The following ARHGAP21 variants were observed in gnomAD, a reference collection of about 807,000 sequenced individuals.
ARHGAP21 encodes rho GTPase-activating protein 21.
A neutral mutation model predicts 164.6 loss-of-function variants in ARHGAP21; 38 were observed. The observed-to-expected ratio is 0.23, with a 90% CI of 0.18 to 0.30. The LOEUF (loss-of-function observed/expected upper bound fraction) is 0.30. Among genes scored for constraint, ARHGAP21 ranks in the 10% least tolerant of loss-of-function variants. ARHGAP21 has a pLI of 1.00. For missense variants in ARHGAP21, 1,822 were observed against 2,370.7 expected (o/e 0.77, Z 4.81); for synonymous variants, 766 against 857.9 (o/e 0.89, Z 1.87).
chr10:24,646,230 A>G (rs1048793051), intron 4 of ARHGAP21, among the ~76,000 whole-genome samples: 19 of 152,196 alleles, frequency 1.2e-4, no homozygotes, highest in African/African-American at 4.3e-4. Context: ...TGAATCACGT[A>G]CTTTCAATGT....
At chr10:24,674,742 C>T (rs565628668) in intron 2 of ARHGAP21, among the ~76,000 whole-genome samples, 1 of 152,074 alleles carries the variant, frequency 6.6e-6, no homozygotes, top group Non-Finnish European at 1.5e-5. Flanking sequence ...TATATACATA[C>T]ACACATACAC....
Position 24,620,204 on chromosome 10 carries a change from A to T in ARHGAP21, c.1691T>A (p.Val564Asp). The T allele has an allele frequency of 6.2e-7, 1 of 1,613,964 alleles. No homozygotes were observed. The highest frequency in any genetic ancestry group is 8.5e-7 in the Non-Finnish European group (1 of 1,179,878). ...CATTCGCCTGTTATCAGAATTAACA[A>T]CGCTTGGAGCCACAGTAAAATTGGA... ...RGSNFTVAPS[V>D]VNSDNRRMSG... Residue 564 changes from valine to aspartate, a missense_variant, in exon 9 of 26, where the codon GTT (valine) becomes GAT (aspartate). Coordinates refer to ENST00000396432, the MANE Select transcript of ARHGAP21 (RefSeq NM_020824.4).
intron 4 of ARHGAP21, among the ~76,000 whole-genome samples, chr10:24,663,060 G>C (rs1366797099): frequency 6.6e-6 from 1 of 151,738 alleles, no homozygotes; most frequent in Non-Finnish European, 1.5e-5. Context: ...GTCTATTACA[G>C]GACATGAATG....
intron 11 of ARHGAP21, among the ~76,000 whole-genome samples, chr10:24,607,158 G>GTA (rs1232629012): frequency 6.6e-6 from 1 of 152,136 alleles, no homozygotes; most frequent in Non-Finnish European, 1.5e-5. Flanking sequence ...TTAGAATACA[G>GTA]TACACACACA....
At chr10:24,592,442 T>C (rs1321196753) in intron 21 of ARHGAP21, among the ~76,000 whole-genome samples, 4 of 152,084 alleles carry the variant, frequency 2.6e-5, no homozygotes, top group Non-Finnish European at 4.4e-5. Flanking sequence ...AGACTTTGAT[T>C]GAAAACAACT....
intron 25 of ARHGAP21, among the ~76,000 whole-genome samples, chr10:24,587,027 G>A (rs140509255): frequency 6.6e-6 from 1 of 152,246 alleles, no homozygotes; most frequent in East Asian, 1.9e-4. Context: ...GTGACAGAGT[G>A]AGAACCCACC....
Position 24,635,640 on chromosome 10 carries a change from G to A in ARHGAP21, c.269-537C>T, listed in dbSNP as rs181743336. 1.4e-4 allele frequency among the ~76,000 whole-genome samples: 21 copies of A among 152,118 alleles called. No individual in the cohort carries two copies. In the East Asian group the frequency reaches 3.3e-3, roughly 24 times the overall value. ...TGGCTCACTGCAACCTCCACATCCC[G>A]GGTTCGAGTGATTCTCCTGCCTCAG... On this transcript the variant is annotated intron_variant, in intron 4 of 25. Transcript: ENST00000396432.
intron 5 of ARHGAP21, among the ~76,000 whole-genome samples, chr10:24,634,222 G>C (rs1024786328): frequency 1.3e-5 from 2 of 151,420 alleles, no homozygotes; most frequent in Non-Finnish European, 2.9e-5. Context: ...ATTTAAATCA[G>C]GCTTACTTTA....
chr10:24,662,326 G>A (rs961052385), intron 4 of ARHGAP21, among the ~76,000 whole-genome samples: 1 of 152,064 alleles, frequency 6.6e-6, no homozygotes, highest in Non-Finnish European at 1.5e-5. Context: ...AGAAGTAAGA[G>A]GGCAGAATTA....
At chr10:24,707,492 C>T (rs1217181401) in intron 2 of ARHGAP21, among the ~76,000 whole-genome samples, 2 of 152,142 alleles carry the variant, frequency 1.3e-5, no homozygotes, top group African/African-American at 4.8e-5. Flanking sequence ...TTTCTAAAGC[C>T]CTCTTCAACA....
intron 7 of ARHGAP21, among the ~76,000 whole-genome samples, chr10:24,628,457 T>C (rs946667586): frequency 5.9e-5 from 9 of 152,136 alleles, no homozygotes; most frequent in Non-Finnish European, 2.9e-5. Flanking sequence ...ACAGATTATT[T>C]ATGGCCTTTG....
chr10:24,705,574 A>G (rs578082753), intron 2 of ARHGAP21, among the ~76,000 whole-genome samples: 63 of 152,386 alleles, frequency 4.1e-4, no homozygotes, highest in African/African-American at 1.4e-3. Flanking sequence ...AGAAGCTCAC[A>G]TCACAGTTAT....
intron 4 of ARHGAP21, among the ~76,000 whole-genome samples, chr10:24,654,382 C>G (rs1039522130): frequency 2.6e-5 from 4 of 152,190 alleles, no homozygotes; most frequent in Admixed American, 1.3e-4. Flanking sequence ...AAAACCCTAT[C>G]GCCTCAGCCC....
chr10:24,588,804 AAATGCATAAC>A (rs2076212737), intron 25 of ARHGAP21, among the ~76,000 whole-genome samples: 1 of 152,218 alleles, frequency 6.6e-6, no homozygotes, highest in South Asian at 2.1e-4. Flanking sequence ...CTGTCTGTAA[AAATGCATAAC>A]AAAAAATTGG....
chr10:24,598,890 ATTAT>A (rs1373387444), intron 14 of ARHGAP21, among the ~76,000 whole-genome samples: 2 of 152,194 alleles, frequency 1.3e-5, no homozygotes, highest in African/African-American at 2.4e-5. Context: ...CCTTAGGGAA[ATTAT>A]TTAGCCTCTC....
intron 2 of ARHGAP21, among the ~76,000 whole-genome samples, chr10:24,695,977 G>A (rs1389217717): frequency 6.6e-6 from 1 of 152,230 alleles, no homozygotes; most frequent in African/African-American, 2.4e-5. Context: ...GACTCCCAGA[G>A]AAACTGAGAT....
At chr10:24,681,966 T>C (rs1044775869) in intron 2 of ARHGAP21, among the ~76,000 whole-genome samples, 3 of 152,230 alleles carry the variant, frequency 2.0e-5, no homozygotes, top group Non-Finnish European at 4.4e-5. Flanking sequence ...TTGTGGCTCG[T>C]GGACAAGCTC....
chr10:24,624,942 T>C (rs1381743372), intron 7 of ARHGAP21, among the ~76,000 whole-genome samples: 1 of 151,374 alleles, frequency 6.6e-6, no homozygotes, highest in African/African-American at 2.4e-5. Context: ...TTCTTTACCC[T>C]TGTACTTAAG....
chr10:24,664,745 T>C (rs1466839457), intron 4 of ARHGAP21, among the ~76,000 whole-genome samples: 1 of 152,026 alleles, frequency 6.6e-6, no homozygotes, highest in African/African-American at 2.4e-5. Context: ...TAAGCATAAA[T>C]TAATAATTAA....
Sources: gnomAD v4.1 joint callset for allele counts (sites outside exome capture counted in the v4.1 genomes callset) on GRCh38, gnomAD v4.1.1 for gene constraint, MANE v1.5 for transcripts, NCBI Gene and HGNC (gene_info 2026-07-23, HGNC 2026-07-21) for gene names.